The following SPCS2 variants were observed in gnomAD, a reference collection of about 807,000 sequenced individuals.
SPCS2 encodes the protein signal peptidase complex subunit 2.
A neutral mutation model predicts 22.3 loss-of-function variants in SPCS2; 3 were observed. The ratio of observed to expected loss-of-function variants is 0.13; its 90% CI spans 0.06 to 0.35. The LOEUF (loss-of-function observed/expected upper bound fraction) is 0.35, where lower values mean the gene tolerates loss of function less well. Among genes scored for constraint, SPCS2 ranks in the 10% least tolerant of loss-of-function variants. The pLI, the probability that SPCS2 is intolerant of heterozygous loss-of-function variation, is 1.00. For missense variants in SPCS2, 169 were observed against 280.9 expected (o/e 0.60, Z 2.85); for synonymous variants, 67 against 97.2 (o/e 0.69, Z 1.83).
intron 4 of SPCS2, 37 bp from the exon 5 acceptor site, chr11:74,976,820 T>G: frequency 6.2e-7 from 1 of 1,612,814 alleles, no homozygotes; most frequent in Non-Finnish European, 8.5e-7. Flanking sequence ...ATCTCTGTGT[T>G]TGGTTTTTAA....
chr11:74,974,957 C>T (rs1784215075), intron 4 of SPCS2, among the ~76,000 whole-genome samples: 1 of 152,112 alleles, frequency 6.6e-6, no homozygotes, highest in Non-Finnish European at 1.5e-5. Flanking sequence ...CCTCTCTCCA[C>T]CCATAGTCTA....
chr11:74,965,962 A>C (rs117854160), intron 3 of SPCS2, 39 bp downstream of exon 3: 5 of 1,551,996 alleles, frequency 3.2e-6, no homozygotes, highest in Non-Finnish European at 2.6e-6. Flanking sequence ...TCTAGTGACT[A>C]TTTTTTTAAA....
intron 1 of SPCS2, among the ~76,000 whole-genome samples, chr11:74,957,360 G>C (rs927377002): frequency 6.6e-6 from 1 of 152,196 alleles, no homozygotes; most frequent in Non-Finnish European, 1.5e-5. Flanking sequence ...CAGGCAGTAG[G>C]AGATGGATTT....
At chr11:74,950,766 A>C (rs938757561) in intron 1 of SPCS2, among the ~76,000 whole-genome samples, 1 of 152,102 alleles carries the variant, frequency 6.6e-6, no homozygotes, top group African/African-American at 2.4e-5. Context: ...GCTGGTCTCA[A>C]ATTCCTGGGC....
chr11:74,962,904 T>C (rs1948522357), intron 1 of SPCS2, among the ~76,000 whole-genome samples: 1 of 152,260 alleles, frequency 6.6e-6, no homozygotes, highest in South Asian at 2.1e-4. Flanking sequence ...TGCTTCTGCA[T>C]TTTATTCTCC....
At position 74,949,269 on chromosome 11, in the gene SPCS2, A is replaced by G. The variant is rs1483011966; in HGVS notation, c.-17A>G. Reference sequence around the variant, plus strand: ...TTCAGACAAGTCGGAGGGGAGGGAGACGCAGAGGCGGACAAGATGGCGGCG... The same window carrying G: ...TTCAGACAAGTCGGAGGGGAGGGAGGCGCAGAGGCGGACAAGATGGCGGCG... On this transcript the variant is annotated 5_prime_UTR_variant, in exon 1 of 5. Transcript: ENST00000263672. The G allele has an allele frequency of 1.6e-5, 24 of 1,530,764 alleles. No homozygotes were observed. The highest frequency in any genetic ancestry group is 2.8e-5 in the African/African-American group (2 of 71,678). The allele number at this position is 1,530,764 out of a possible 1,614,324, so 94.8% of individuals were successfully genotyped here. A position where few individuals can be genotyped will look rare whatever the true frequency, so the allele number is the denominator to read the frequency against.
chr11:74,957,167 G>GC lies in SPCS2; in HGVS notation c.114+7770dup, dbSNP rs546035718. 1.4e-4 allele frequency among the ~76,000 whole-genome samples: 22 copies of GC among 152,240 alleles called. No individual in the cohort carries two copies. The East Asian group carries it at 4.1e-3, about 28-fold the overall frequency. Reference sequence around the variant, plus strand: ...AACAGTGCTTGGCACATAGCAAGCAGCCATTCAATATTAATTTAAAGAAAA... The same window carrying GC: ...AACAGTGCTTGGCACATAGCAAGCAGCCCATTCAATATTAATTTAAAGAAAA... On this transcript the variant is annotated intron_variant, in intron 1 of 4. Transcript: ENST00000263672.
At chr11:74,954,570 G>A (rs1199617958) in intron 1 of SPCS2, among the ~76,000 whole-genome samples, 1 of 152,164 alleles carries the variant, frequency 6.6e-6, no homozygotes, top group Non-Finnish European at 1.5e-5. Flanking sequence ...CAGGTGATAT[G>A]CTTGTGCCCT....
chr11:74,961,456 A>G (rs1948513745), intron 1 of SPCS2, among the ~76,000 whole-genome samples: 1 of 152,226 alleles, frequency 6.6e-6, no homozygotes. Flanking sequence ...CTTATTGGGT[A>G]AGGAAAAAAA....
chr11:74,967,658 A>C (rs951305567), intron 3 of SPCS2, among the ~76,000 whole-genome samples: 6 of 152,262 alleles, frequency 3.9e-5, no homozygotes, highest in Non-Finnish European at 8.8e-5. Flanking sequence ...CTGAGGCACA[A>C]GAATCACTTG....
At chr11:74,972,011 C>T (rs1280796439) in intron 4 of SPCS2, among the ~76,000 whole-genome samples, 1 of 152,184 alleles carries the variant, frequency 6.6e-6, no homozygotes, top group East Asian at 1.9e-4. Flanking sequence ...AAGAAGCCTT[C>T]CCTGACATAC....
intron 1 of SPCS2, among the ~76,000 whole-genome samples, chr11:74,951,316 T>C (rs940793148): frequency 6.6e-6 from 1 of 152,138 alleles, no homozygotes; most frequent in Non-Finnish European, 1.5e-5. Context: ...CTCCATTACC[T>C]GTAGTGTCCA....
intron 3 of SPCS2, chr11:74,968,049 G>A (rs375050202): frequency 2.0e-5 from 3 of 152,250 alleles, no homozygotes; most frequent in African/African-American, 7.2e-5. Flanking sequence ...TAAGACTTGG[G>A]GAAGGAAGTT....
At chr11:74,968,959 G>A (rs992248403) in intron 3 of SPCS2, among the ~76,000 whole-genome samples, 18 of 152,144 alleles carry the variant, frequency 1.2e-4, no homozygotes, top group African/African-American at 4.3e-4. Flanking sequence ...GTGAGCCATC[G>A]TGCCCAGCCT....
intron 1 of SPCS2, among the ~76,000 whole-genome samples, chr11:74,957,130 C>T (rs1948484380): frequency 2.0e-5 from 3 of 152,000 alleles, no homozygotes; most frequent in Non-Finnish European, 4.4e-5. Flanking sequence ...TGACTATATC[C>T]CTAGTGGCTA....
At chr11:74,950,648 C>T (rs923619550) in intron 1 of SPCS2, among the ~76,000 whole-genome samples, 2 of 152,180 alleles carry the variant, frequency 1.3e-5, no homozygotes, top group South Asian at 4.1e-4. Flanking sequence ...GTGATCTTCC[C>T]ACCCCAGCTT....
chr11:74,966,113 T>C (rs1021125118), intron 3 of SPCS2, among the ~76,000 whole-genome samples, 190 bp downstream of exon 3: 5 of 152,248 alleles, frequency 3.3e-5, no homozygotes, highest in African/African-American at 1.2e-4. Context: ...TGATATTTTA[T>C]GTTTTGTATG....
intron 1 of SPCS2, among the ~76,000 whole-genome samples, chr11:74,956,951 C>T (rs1478973581): frequency 1.3e-5 from 2 of 152,114 alleles, no homozygotes; most frequent in Admixed American, 6.5e-5. Context: ...CTTTATTCAA[C>T]TCTGCTCAGA....
At chr11:74,949,973 C>T (rs570956444) in intron 1 of SPCS2, among the ~76,000 whole-genome samples, 2 of 152,210 alleles carry the variant, frequency 1.3e-5, no homozygotes, top group South Asian at 2.1e-4. Flanking sequence ...TCCCCGCCCT[C>T]TCCTCTCTTC....
Sources: gnomAD v4.1 joint callset for allele counts (sites outside exome capture counted in the v4.1 genomes callset) on GRCh38, gnomAD v4.1.1 for gene constraint, MANE v1.5 for transcripts, NCBI Gene and HGNC (gene_info 2026-07-23, HGNC 2026-07-21) for gene names.